Variants in ACP7 observed in about 807,000 individuals in gnomAD.
The protein encoded by ACP7 is acid phosphatase type 7.
ACP7 carries 58 observed loss-of-function variants against 60.6 expected under a neutral mutation model. That is an observed-to-expected ratio of 0.96 (90% CI 0.77 to 1.19). ACP7 has a LOEUF of 1.19. ACP7 is among the 50% of genes most tolerant of loss of function. ACP7 has a pLI of 0.00. For synonymous variants in ACP7, 237 were observed against 232.6 expected (o/e 1.02, Z -0.17); for missense variants, 574 against 596.2 (o/e 0.96, Z 0.39).
chr19:39,093,718 C>T (rs2073236192), intron 2 of ACP7, among the ~76,000 whole-genome samples: 1 of 152,116 alleles, frequency 6.6e-6, no homozygotes, highest in Non-Finnish European at 1.5e-5. Context: ...ATTTTCCACT[C>T]ATCCCCTGTA....
intron 12 of ACP7, among the ~76,000 whole-genome samples, chr19:39,108,460 C>T (rs2073435322): frequency 6.6e-6 from 1 of 151,984 alleles, no homozygotes; most frequent in Admixed American, 6.6e-5. Flanking sequence ...AACTTCTTTG[C>T]CTCAGTTTTC....
At position 39,110,018 on chromosome 19, in the gene ACP7, G is replaced by C. The variant is rs1338681215; in HGVS notation, c.1252-35G>C. ...TGTGGCCCCAGAGTTCAGGCTTTCAGCTCTAACTACTGTCCCTGTTTTTGT... is the reference window on the plus strand; with the variant it reads ...TGTGGCCCCAGAGTTCAGGCTTTCACCTCTAACTACTGTCCCTGTTTTTGT... On this transcript the variant is annotated intron_variant, in intron 12 of 12. Coordinates refer to ENST00000331256, the MANE Select transcript of ACP7 (RefSeq NM_001004318.3). The C allele has an allele frequency of 1.5e-5, 24 of 1,598,124 alleles. No homozygotes were observed. The East Asian group carries it at 4.9e-4, about 33-fold the overall frequency.
upstream of ACP7, chr19:39,083,864 A>T (rs1211109099): frequency 6.6e-6 from 1 of 152,182 alleles, no homozygotes; most frequent in Non-Finnish European, 1.5e-5. Flanking sequence ...TTTTGTTTTG[A>T]GGTTGCCCCG....
At position 39,101,577 on chromosome 19, in the gene ACP7, T is replaced by G; in HGVS notation, c.1113+40T>G. The G allele has an allele frequency of 5.0e-6, 8 of 1,586,058 alleles. No homozygotes were observed. The Admixed American group carries it at 1.2e-4, about 24-fold the overall frequency. On this transcript the variant is annotated intron_variant, in intron 11 of 12. Coordinates refer to ENST00000331256, the MANE Select transcript of ACP7 (RefSeq NM_001004318.3). ...GGGTGGCTTTGCCTTCTCTCTCTAT[T>G]CCTATCTATGGAGGGCTAACTTTGT... is the stretch of plus-strand genomic sequence containing the variant.
chr19:39,103,654 C>A (rs1304196877), intron 11 of ACP7, among the ~76,000 whole-genome samples: 4 of 151,560 alleles, frequency 2.6e-5, no homozygotes, highest in African/African-American at 9.7e-5. Context: ...TGGTGAAACC[C>A]CATCGCTATC....
At chr19:39,092,860 C>A (rs1216258031) in intron 2 of ACP7, among the ~76,000 whole-genome samples, 3 of 148,570 alleles carry the variant, frequency 2.0e-5, no homozygotes, top group African/African-American at 7.5e-5. Context: ...TCACTGCAAC[C>A]TTCGCCTCCC....
At chr19:39,102,813 C>T in intron 11 of ACP7, among the ~76,000 whole-genome samples, 3 of 137,328 alleles carry the variant, frequency 2.2e-5, no homozygotes, top group Non-Finnish European at 3.1e-5. Context: ...TTCTTTTCTT[C>T]CTCCCTCCCT....
chr19:39,105,394 C>T (rs1464678166), intron 11 of ACP7, among the ~76,000 whole-genome samples: 3 of 152,060 alleles, frequency 2.0e-5, no homozygotes, highest in Admixed American at 6.6e-5. Flanking sequence ...AAAAGCACAG[C>T]GAGTTGTTTT....
chr19:39,092,541 C>A (rs768997707), intron 2 of ACP7, among the ~76,000 whole-genome samples: 8 of 152,078 alleles, frequency 5.3e-5, no homozygotes, highest in Non-Finnish European at 1.2e-4. Flanking sequence ...TTCCTCACCC[C>A]CTTCCATGTG....
In ACP7 at chr19:39,094,298, T is replaced by A. The variant is rs1307309344; in HGVS notation, c.122-4160T>A. Among the ~76,000 whole-genome samples, 4 of 150,718 alleles carry A rather than the reference T, an allele frequency of 2.7e-5. No individual in the cohort carries two copies. In the East Asian group the frequency reaches 7.8e-4, roughly 29 times the overall value. On this transcript the variant is annotated intron_variant, in intron 2 of 12. Coordinates refer to ENST00000331256, the MANE Select transcript of ACP7 (RefSeq NM_001004318.3). The stretch of plus-strand genomic sequence containing the variant: ...GGTGGGTGGATCATGAGGTCAGGAG[T>A]TCGAGGCTAGCCTGGCCAACACGGT...
intron 2 of ACP7, among the ~76,000 whole-genome samples, chr19:39,095,675 C>T (rs1298905580): frequency 6.6e-6 from 1 of 152,234 alleles, no homozygotes; most frequent in Non-Finnish European, 1.5e-5. Flanking sequence ...CCAGTAGGGA[C>T]TCTGTGTGGG....
intron 12 of ACP7, among the ~76,000 whole-genome samples, chr19:39,109,530 C>T (rs1011406599): frequency 1.3e-5 from 2 of 151,702 alleles, no homozygotes; most frequent in East Asian, 3.9e-4. Flanking sequence ...CATGGTGAAA[C>T]CTTGTCTCTA....
chr19:39,097,431 A>G (rs2073279560), intron 2 of ACP7, among the ~76,000 whole-genome samples: 1 of 151,232 alleles, frequency 6.6e-6, no homozygotes, highest in Non-Finnish European at 1.5e-5. Context: ...GGGCATGGTG[A>G]CATGTGCCTG....
Position 39,085,191 on chromosome 19 carries a change from C to G in ACP7, c.-79C>G. 4 of 1,511,630 alleles carry G rather than the reference C, an allele frequency of 2.6e-6. No individual in the cohort carries two copies. The highest frequency in any genetic ancestry group is 3.6e-6 in the Non-Finnish European group (4 of 1,122,372). 93.6% of individuals were successfully genotyped at this position (1,511,630 alleles called of 1,614,324 possible). ...ATCCTCTGTTCCCCATCCTCCCAGC[C>G]CTTCCTGCTGTACCTGTGGGGAGCT... On this transcript the variant is annotated 5_prime_UTR_variant, in exon 2 of 13. Coordinates refer to ENST00000331256, the MANE Select transcript of ACP7 (RefSeq NM_001004318.3).
intron 4 of ACP7, 39 bp downstream of exon 4, chr19:39,099,181 GGC>G: frequency 1.4e-6 from 2 of 1,479,206 alleles, no homozygotes; most frequent in Non-Finnish European, 1.8e-6. Context: ...GACGGTGGGG[GGC>G]GCGCGCAGGG....
chr19:39,109,944 G>T, intron 12 of ACP7, 109 bp from the exon 13 acceptor site: 1 of 1,108,346 alleles, frequency 9.0e-7, no homozygotes, highest in South Asian at 1.4e-5. Context: ...CACTTGCTCA[G>T]GGTTGTACAG....
At chr19:39,083,932 G>A (rs1471939575), upstream of ACP7, 2 of 152,540 alleles carry the variant, frequency 1.3e-5, no homozygotes, top group Non-Finnish European at 1.5e-5. Flanking sequence ...CGGAAGGCTG[G>A]AGGAAGATGC....
At chr19:39,099,384 T>A (rs2073313324) in intron 4 of ACP7, among the ~76,000 whole-genome samples, 1 of 152,200 alleles carries the variant, frequency 6.6e-6, no homozygotes, top group Non-Finnish European at 1.5e-5. Flanking sequence ...GAGCAGGGGT[T>A]TTCCCCCGTA....
intron 2 of ACP7, among the ~76,000 whole-genome samples, chr19:39,087,640 T>TG (rs2073157914): frequency 6.6e-6 from 1 of 151,302 alleles, no homozygotes; most frequent in Non-Finnish European, 1.5e-5. Context: ...TTGTTTTTTT[T>TG]TTTTTTTTTT....
Sources: gnomAD v4.1 joint callset for allele counts (sites outside exome capture counted in the v4.1 genomes callset) on GRCh38, gnomAD v4.1.1 for gene constraint, MANE v1.5 for transcripts, NCBI Gene and HGNC (gene_info 2026-07-23, HGNC 2026-07-21) for gene names.